The following GID4 variants were observed in gnomAD, a reference collection of about 807,000 sequenced individuals.
The protein encoded by GID4 is GID complex subunit 4 homolog.
GID4 carries 7 observed loss-of-function variants against 32.4 expected under a neutral mutation model. That is an observed-to-expected ratio of 0.22 (90% CI 0.12 to 0.41). The LOEUF (loss-of-function observed/expected upper bound fraction) is 0.41, where lower values mean the gene tolerates loss of function less well. Ranked by LOEUF, GID4 falls within the 10% of genes least tolerant of loss-of-function variation. The pLI, the probability that GID4 is intolerant of heterozygous loss-of-function variation, is 1.00. For synonymous variants in GID4, 166 were observed against 170.0 expected (o/e 0.98, Z 0.18); for missense variants, 309 against 400.0 (o/e 0.77, Z 1.94).
chr17:18,055,284 A>G (rs2044955212), intron 3 of GID4, among the ~76,000 whole-genome samples: 1 of 152,102 alleles, frequency 6.6e-6, no homozygotes, highest in Admixed American at 6.5e-5. Context: ...TTTACCCTCC[A>G]TAAACCAACC....
rs1195886050 is a variant in GID4, at chr17:18,065,284, A to G, written c.*41A>G. 1 of 1,517,488 alleles carries G rather than the reference A, an allele frequency of 6.6e-7. No homozygotes were observed. Among genetic ancestry groups the G allele is most frequent in the Non-Finnish European group, 9.2e-7 (1 of 1,092,326 alleles). The allele number at this position is 1,517,488 out of a possible 1,614,324, so 94.0% of individuals were successfully genotyped here. A position where few individuals can be genotyped will look rare whatever the true frequency, so the allele number is the denominator to read the frequency against. On this transcript the variant is annotated 3_prime_UTR_variant, in exon 6 of 6. Coordinates refer to ENST00000268719, the MANE Select transcript of GID4 (RefSeq NM_024052.5). Reference sequence around the variant, plus strand: ...GCAACCAAATAAAACTGAACTTGGCAAAAAAGAACTTTGCCGAGAAAATTG... The same window carrying G: ...GCAACCAAATAAAACTGAACTTGGCGAAAAAGAACTTTGCCGAGAAAATTG...
At chr17:18,063,158 T>TC (rs1285505779) in intron 5 of GID4, among the ~76,000 whole-genome samples, 13 of 150,830 alleles carry the variant, frequency 8.6e-5, no homozygotes, top group Non-Finnish European at 1.0e-4. Context: ...ACGCCTGTAA[T>TC]CCCAGCACTT....
chr17:18,049,383 C>G lies in GID4; in HGVS notation c.498+4177C>G, dbSNP rs536719257. ...AAGTGTCAAAAAAAAAAAAAAGGAG[C>G]TAAATGGCCTCTTAGCTACCTCACA... On this transcript the variant is annotated intron_variant, in intron 2 of 5. Transcript: ENST00000268719. Among the ~76,000 whole-genome samples, 476 of 147,602 alleles carry G rather than the reference C, an allele frequency of 3.2e-3. 1 individual carries two copies. Among genetic ancestry groups the G allele is most frequent in the Non-Finnish European group, 6.1e-3 (411 of 67,038 alleles).
At position 18,058,902 on chromosome 17, in the gene GID4, C is replaced by T. The variant is rs866971433; in HGVS notation, c.641C>T (p.Ser214Leu). The T allele has an allele frequency of 6.2e-7, 1 of 1,613,110 alleles. No homozygotes were observed. The highest frequency in any genetic ancestry group is 8.5e-7 in the Non-Finnish European group (1 of 1,179,200). ...CTGGCTTTTTATCAGTATGCAAAATCATTTAACTCAGATGACTTTGATTAT... is the reference window on the plus strand; with the variant it reads ...CTGGCTTTTTATCAGTATGCAAAATTATTTAACTCAGATGACTTTGATTAT... ...KFLAFYQYAK[S>L]FNSDDFDYEE... Residue 214 changes from serine to leucine, a missense_variant, in exon 4 of 6, where the codon TCA (serine) becomes TTA (leucine). Ser to Leu is a moderately radical substitution (Grantham distance 145). Around this residue, in one of 2 missense-constraint regions of GID4, gnomAD observed 116 missense variants for 214.2 expected, o/e 0.54. Coordinates refer to ENST00000268719, the MANE Select transcript of GID4 (RefSeq NM_024052.5).
intron 1 of GID4, among the ~76,000 whole-genome samples, chr17:18,044,240 A>G (rs765602254): frequency 9.9e-5 from 15 of 152,064 alleles, no homozygotes; most frequent in Admixed American, 6.6e-5. Context: ...GAAATGGGTC[A>G]CTCACCCCTA....
chr17:18,060,142 G>A (rs1033306412), intron 4 of GID4, among the ~76,000 whole-genome samples: 1 of 149,782 alleles, frequency 6.7e-6, no homozygotes, highest in South Asian at 2.1e-4. Context: ...GCTCATGCCT[G>A]TAATCCCAGC....
At chr17:18,056,162 G>GT (rs984431133) in intron 3 of GID4, among the ~76,000 whole-genome samples, 3 of 152,186 alleles carry the variant, frequency 2.0e-5, no homozygotes, top group Admixed American at 2.0e-4. Flanking sequence ...GCCCCAAGCT[G>GT]TTTTTTACTT....
In GID4 at chr17:18,067,281, C is replaced by T. The variant is rs1187074617; in HGVS notation, c.*2038C>T. 1.3e-5 allele frequency: 2 copies of T among 152,320 alleles called. No individual in the cohort carries two copies. Among genetic ancestry groups the T allele is most frequent in the Non-Finnish European group, 2.9e-5 (2 of 68,110 alleles). 9.4% of individuals were successfully genotyped at this position (152,320 alleles called of 1,614,324 possible). A position where few individuals can be genotyped will look rare whatever the true frequency, so the allele number is the denominator to read the frequency against. ...GGGATATAGGCCTCCCCTTGGAGCA[C>T]TGAGTCCGGAGGTCATCCCTGAGCT... On this transcript the variant is annotated 3_prime_UTR_variant, in exon 6 of 6. Transcript: ENST00000268719.
intron 2 of GID4, among the ~76,000 whole-genome samples, chr17:18,051,470 A>G (rs908351461): frequency 6.6e-6 from 1 of 151,928 alleles, no homozygotes; most frequent in African/African-American, 2.4e-5. Context: ...CGAGGTTAGG[A>G]GTTCAAGACC....
At chr17:18,052,778 C>T (rs889167338) in intron 2 of GID4, among the ~76,000 whole-genome samples, 2 of 152,142 alleles carry the variant, frequency 1.3e-5, no homozygotes, top group African/African-American at 4.8e-5. Flanking sequence ...TTCTTGCTTA[C>T]GTTTTCCACG....
At chr17:18,045,498 T>C (rs2044844007) in intron 2 of GID4, among the ~76,000 whole-genome samples, 1 of 152,184 alleles carries the variant, frequency 6.6e-6, no homozygotes, top group Non-Finnish European at 1.5e-5. Context: ...AATAAGAATA[T>C]AGCTGCCACC....
chr17:18,041,910 G>T (rs1350041685), intron 1 of GID4, among the ~76,000 whole-genome samples: 2 of 152,232 alleles, frequency 1.3e-5, no homozygotes, highest in Non-Finnish European at 2.9e-5. Flanking sequence ...CAGAAACCTG[G>T]TGGATGGCTG....
intron 3 of GID4, chr17:18,057,272 A>C: frequency 2.4e-6 from 1 of 414,442 alleles, no homozygotes; most frequent in Non-Finnish European, 4.4e-6. Flanking sequence ...TCTCTACCAA[A>C]AATATAAAAA....
At position 18,039,654 on chromosome 17, in the gene GID4, C is replaced by A. The variant is rs1038896729; in HGVS notation, c.190C>A (p.Arg64Ser). Residue 64 changes from arginine (R) to serine (S), a missense_variant, in exon 1 of 6, where the codon CGC becomes AGC. Transcript: ENST00000268719. This position sits in a 1 kb window ranked among gnomAD's most constrained non-coding sequence, Gnocchi z 5.3. ...CCTCCCCGCCACCCTCCTCGGCTCCCGCGCGGCGGCGGCGGTTCCTCTCCC... is the reference window on the plus strand; with the variant it reads ...CCTCCCCGCCACCCTCCTCGGCTCCAGCGCGGCGGCGGCGGTTCCTCTCCC... ...LSLPATLLGS[R>S]AAAAVPLPLP... 2.9e-5 allele frequency: 40 copies of A among 1,358,508 alleles called. No homozygotes were observed. The highest frequency in any genetic ancestry group is 3.7e-5 in the Non-Finnish European group (39 of 1,057,562). The allele number at this position is 1,358,508 out of a possible 1,614,324, so 84.2% of individuals were successfully genotyped here.
chr17:18,060,321 C>G (rs1455589138), intron 4 of GID4, among the ~76,000 whole-genome samples: 1 of 149,514 alleles, frequency 6.7e-6, no homozygotes. Context: ...TCACTTGAAC[C>G]CAGGAGGTGG....
At chr17:18,055,151 A>G (rs1170851834) in intron 3 of GID4, among the ~76,000 whole-genome samples, 1 of 151,366 alleles carries the variant, frequency 6.6e-6, no homozygotes, top group African/African-American at 2.4e-5. Context: ...AGCCTGAGCA[A>G]CAGAGTGAGA....
intron 4 of GID4, among the ~76,000 whole-genome samples, chr17:18,060,084 CAAAAAA>C (rs35399188): frequency 3.3e-5 from 2 of 60,472 alleles, no homozygotes; most frequent in East Asian, 5.8e-4. Context: ...GACTCCATCT[CAAAAAA>C]AAAAAAAAAA....
chr17:18,040,721 G>A (rs1332767259), intron 1 of GID4, among the ~76,000 whole-genome samples: 1 of 152,084 alleles, frequency 6.6e-6, no homozygotes, highest in Non-Finnish European at 1.5e-5. Flanking sequence ...CCATACCTTC[G>A]TCTTGCTCGA....
intron 2 of GID4, among the ~76,000 whole-genome samples, chr17:18,047,333 A>G (rs150647210): frequency 6.6e-6 from 1 of 152,388 alleles, no homozygotes; most frequent in African/African-American, 2.4e-5. Flanking sequence ...GGTGCAGAAC[A>G]TAAACACTGA....
Sources: gnomAD v4.1 joint callset for allele counts (sites outside exome capture counted in the v4.1 genomes callset) on GRCh38, gnomAD v4.1.1 for gene constraint, gnomAD v4.1.1 regional missense constraint, Gnocchi (gnomAD v3.1) non-coding constraint, MANE v1.5 for transcripts, NCBI Gene and HGNC (gene_info 2026-07-23, HGNC 2026-07-21) for gene names.